The following C19orf18 variants were observed in gnomAD, a reference collection of about 807,000 sequenced individuals.
C19orf18 encodes uncharacterized protein C19orf18.
Under a neutral mutation model 23.3 loss-of-function variants are expected in C19orf18, and 21 were observed. That is an observed-to-expected ratio of 0.90 (90% CI 0.64 to 1.30). The LOEUF (loss-of-function observed/expected upper bound fraction) is 1.30. C19orf18 is among the 50% of genes most tolerant of loss of function. C19orf18 has a pLI of 0.00. For missense variants in C19orf18, 249 were observed against 259.6 expected, an observed-to-expected ratio of 0.96 and a Z score of 0.28; for synonymous variants, 96 against 95.2, an observed-to-expected ratio of 1.01 and a Z score of -0.05.
chr19:57,963,954 C>CT, intron 4 of C19orf18, among the ~76,000 whole-genome samples: 1 of 152,226 alleles, frequency 6.6e-6, no homozygotes, highest in Non-Finnish European at 1.5e-5. Context: ...TGTAATTTTA[C>CT]TTTCCTGGTT....
At position 57,961,655 on chromosome 19, in the gene C19orf18, G is replaced by C. The variant is rs149034775; in HGVS notation, c.372-104C>G. 2.0e-4 allele frequency: 251 copies of C among 1,283,072 alleles called. No individual in the cohort carries two copies. In the East Asian group the frequency reaches 4.0e-3, roughly 20 times the overall value. 79.5% of individuals were successfully genotyped at this position (1,283,072 alleles called of 1,614,324 possible). On this transcript the variant is annotated intron_variant, in intron 4 of 5. Coordinates refer to ENST00000314391, the MANE Select transcript of C19orf18 (RefSeq NM_152474.5). ...CAGGAAAGGAGTCGCTTGTGGAGTGGGTGCAGACATAAGACTTTGAAACCA... is the reference window on the plus strand; with the variant it reads ...CAGGAAAGGAGTCGCTTGTGGAGTGCGTGCAGACATAAGACTTTGAAACCA...
At chr19:57,963,047 A>C (rs1005544605) in intron 4 of C19orf18, among the ~76,000 whole-genome samples, 14 of 144,860 alleles carry the variant, frequency 9.7e-5, no homozygotes, top group African/African-American at 3.6e-4. Flanking sequence ...TTTTTTGCAG[A>C]TGGAGTTTCA....
intron 3 of C19orf18, among the ~76,000 whole-genome samples, chr19:57,972,079 A>G (rs962807445): frequency 2.6e-5 from 4 of 152,148 alleles, no homozygotes; most frequent in South Asian, 2.1e-4. Context: ...AGCAGGACAC[A>G]AGGTGCCTTC....
intron 4 of C19orf18, among the ~76,000 whole-genome samples, 158 bp downstream of exon 4, chr19:57,966,372 C>A (rs537344205): frequency 6.6e-5 from 10 of 152,120 alleles, no homozygotes; most frequent in Non-Finnish European, 1.3e-4. Flanking sequence ...AACATGAGTA[C>A]AATCCACATG....
At chr19:57,968,724 A>G (rs1468165703) in intron 3 of C19orf18, among the ~76,000 whole-genome samples, 4 of 152,270 alleles carry the variant, frequency 2.6e-5, no homozygotes, top group Admixed American at 1.3e-4. Context: ...TGTATTTATT[A>G]TATTTTCTTA....
intron 5 of C19orf18, among the ~76,000 whole-genome samples, chr19:57,958,980 A>C (rs527958822): frequency 6.6e-6 from 1 of 152,326 alleles, no homozygotes; most frequent in South Asian, 2.1e-4. Context: ...TGTGGTAAAG[A>C]GACATTGGGA....
chr19:57,969,581 A>AAAAAAAAAAAAAAAAAAC (rs2072931345), intron 3 of C19orf18, among the ~76,000 whole-genome samples: 1 of 148,012 alleles, frequency 6.8e-6, no homozygotes, highest in African/African-American at 2.5e-5. Context: ...AAAAAAAAAA[A>AAAAAAAAAAAAAAAAAAC]AAAAAAAAAA....
chr19:57,973,768 C>A lies in C19orf18; in HGVS notation c.226+331G>T, dbSNP rs552821674. ...AAAAAGAATTCTGTACACTCACAAA[C>A]CTTCTGTGTCTAGACTTGCATGCTC... On this transcript the variant is annotated intron_variant, in intron 2 of 5. Transcript: ENST00000314391. 1.2e-3 allele frequency among the ~76,000 whole-genome samples: 181 copies of A among 151,654 alleles called. 2 individuals are homozygous for A. Among genetic ancestry groups the A allele is most frequent in the African/African-American group, 4.1e-3 (169 of 41,354 alleles).
intron 3 of C19orf18, among the ~76,000 whole-genome samples, chr19:57,968,304 G>A (rs1485926863): frequency 1.3e-5 from 2 of 152,214 alleles, no homozygotes; most frequent in Admixed American, 1.3e-4. Context: ...TTTGGGGTTA[G>A]GATTTCAATA....
chr19:57,966,425 A>G, intron 4 of C19orf18, 105 bp downstream of exon 4: 1 of 724,388 alleles, frequency 1.4e-6, no homozygotes, highest in Non-Finnish European at 2.3e-6. Context: ...CCAATACTTT[A>G]GCAATTATAA....
rs759095501 is a variant in C19orf18 at position 57,974,061 on chromosome 19, G to A, written c.226+38C>T. 1.4e-5 allele frequency: 22 copies of A among 1,591,848 alleles called. No individual in the cohort carries two copies. The Middle Eastern group carries it at 8.3e-4, about 60-fold the overall frequency. ...GGCAGATAAGAGGACTCCAGGCTAC[G>A]ATTCTCACTCCACTGAATGAGGAAT... On this transcript the variant is annotated intron_variant, in intron 2 of 5. Transcript: ENST00000314391.
At chr19:57,970,748 T>C (rs112024224) in intron 3 of C19orf18, among the ~76,000 whole-genome samples, 42,760 of 151,842 alleles carry the variant, frequency 0.28, 6,822 homozygotes, top group African/African-American at 0.44. Context: ...TTAGTAGAGA[T>C]GGGGTTTCAC....
intron 4 of C19orf18, among the ~76,000 whole-genome samples, chr19:57,963,280 C>T (rs4312407): frequency 0.28 from 42,428 of 151,726 alleles, 6,651 homozygotes; most frequent in African/African-American, 0.43. Context: ...CCGCCCACCT[C>T]GGCCTCCCAA....
chr19:57,972,598 G>C, intron 2 of C19orf18, 94 bp from the exon 3 acceptor site: 2 of 1,379,198 alleles, frequency 1.5e-6, no homozygotes, highest in Admixed American at 1.9e-5. Flanking sequence ...CATTAGAGAA[G>C]GACGCCGAAC....
chr19:57,967,321 C>T (rs1213615385), intron 3 of C19orf18, among the ~76,000 whole-genome samples: 1 of 152,120 alleles, frequency 6.6e-6, no homozygotes, highest in East Asian at 1.9e-4. Context: ...TCTAAGGGAT[C>T]GAGAGATGGA....
At chr19:57,966,840 A>G (rs2072912100) in intron 3 of C19orf18, among the ~76,000 whole-genome samples, 1 of 151,894 alleles carries the variant, frequency 6.6e-6, no homozygotes, top group Non-Finnish European at 1.5e-5. Context: ...GCATGATCAC[A>G]GCTCACCGCA....
chr19:57,973,073 G>A (rs912808614), intron 2 of C19orf18, among the ~76,000 whole-genome samples: 2 of 140,522 alleles, frequency 1.4e-5, no homozygotes, highest in African/African-American at 2.7e-5. Context: ...GCTTGAACCC[G>A]GCGGTGGAGG....
chr19:57,967,337 T>C (rs2072915937), intron 3 of C19orf18, among the ~76,000 whole-genome samples: 1 of 152,190 alleles, frequency 6.6e-6, no homozygotes, highest in African/African-American at 2.4e-5. Context: ...ATGGATTTTG[T>C]TTTTTAACAT....
In C19orf18 at chr19:57,972,648, A is replaced by G. The variant is rs192110064; in HGVS notation, c.227-144T>C. ...TATCTAAGATGGGATGTGTTAATAC[A>G]TTCCTCCCAATGCCTGGCAGCAATG... On this transcript the variant is annotated intron_variant, in intron 2 of 5. Coordinates refer to ENST00000314391, the MANE Select transcript of C19orf18 (RefSeq NM_152474.5). The G allele has an allele frequency of 2.8e-5, 24 of 861,012 alleles. No homozygotes were observed. The African/African-American group carries it at 3.4e-4, about 12-fold the overall frequency. The allele number at this position is 861,012 out of a possible 1,614,324, so 53.3% of individuals were successfully genotyped here. A position where few individuals can be genotyped will look rare whatever the true frequency, so the allele number is the denominator to read the frequency against.
Sources: allele counts gnomAD v4.1 joint callset (sites outside exome capture counted in the v4.1 genomes callset), GRCh38; gene constraint gnomAD v4.1.1; transcripts MANE v1.5; gene names NCBI Gene and HGNC (gene_info 2026-07-23, HGNC 2026-07-21).